The following LRBA variants were observed in gnomAD, a reference collection of about 807,000 sequenced individuals.
The protein encoded by LRBA is LPS responsive beige-like anchor protein.
In LRBA, 176 loss-of-function variants were observed where a neutral mutation model predicts 330.0. That is an observed-to-expected ratio of 0.53 (90% confidence interval 0.47 to 0.60). The LOEUF is 0.60. Ranked by LOEUF, LRBA falls within the 20% of genes least tolerant of loss-of-function variation. The pLI is 0.00. For synonymous variants in LRBA, 1,230 were observed against 1,193.0 expected, an observed-to-expected ratio of 1.03 and a Z score of -0.64; for missense variants, 3,259 against 3,444.8, an observed-to-expected ratio of 0.95 and a Z score of 1.35.
At chr4:150,378,825 T>C (rs1299652822) in intron 47 of LRBA, among the ~76,000 whole-genome samples, 7 of 152,322 alleles carry the variant, frequency 4.6e-5, no homozygotes, top group Middle Eastern at 3.4e-3. Context: ...ATGACTAGTA[T>C]GTACCTTAGC....
At position 150,606,312 on chromosome 4, in the gene LRBA, A is replaced by C. The variant is rs923828960; in HGVS notation, c.5922-7181T>G. On this transcript the variant is annotated intron_variant, in intron 37 of 56. Transcript: ENST00000651943. ...TAACAAAAGACATCTAGGAAAAAAA[A>C]CCATTAAAATGATGTTATTAAGAAC... Among the ~76,000 whole-genome samples, 5 of 152,234 alleles carry C rather than the reference A, an allele frequency of 3.3e-5. No homozygotes were observed. In the South Asian group the frequency reaches 1.0e-3, roughly 32 times the overall value.
intron 48 of LRBA, among the ~76,000 whole-genome samples, chr4:150,339,671 A>G (rs1351018209): frequency 6.6e-6 from 1 of 152,076 alleles, no homozygotes; most frequent in Non-Finnish European, 1.5e-5. Flanking sequence ...TTTGTATTTT[A>G]TATGTTCCAT....
intron 2 of LRBA, among the ~76,000 whole-genome samples, chr4:150,960,836 C>A (rs1256358601): frequency 6.7e-6 from 1 of 149,420 alleles, no homozygotes; most frequent in Non-Finnish European, 1.5e-5. Context: ...GCAATTCCAT[C>A]ATAAAATTAG....
At chr4:150,916,163 A>G (rs1336716736) in intron 7 of LRBA, among the ~76,000 whole-genome samples, 1 of 152,220 alleles carries the variant, frequency 6.6e-6, no homozygotes, top group Non-Finnish European at 1.5e-5. Context: ...ATACTAAAAT[A>G]AATGCCGTAG....
rs574929970 is a variant in LRBA, at chr4:150,825,707, C to T, written c.5171+2473G>A. Among the ~76,000 whole-genome samples the T allele has an allele frequency of 3.3e-5, 5 of 152,194 alleles. No homozygotes were observed. In the South Asian group the frequency reaches 1.0e-3, roughly 32 times the overall value. Reference sequence around the variant, plus strand: ...TCTCTCCCAGTTCTCATATATTTTTCATCATGTTTACTGCAATATTATAAA... The same window carrying T: ...TCTCTCCCAGTTCTCATATATTTTTTATCATGTTTACTGCAATATTATAAA... On this transcript the variant is annotated intron_variant, in intron 30 of 56. Coordinates refer to ENST00000651943, the MANE Select transcript of LRBA (RefSeq NM_001364905.1).
chr4:150,880,015 C>A (rs971527868), intron 17 of LRBA, among the ~76,000 whole-genome samples: 1 of 152,100 alleles, frequency 6.6e-6, no homozygotes, highest in Non-Finnish European at 1.5e-5. Flanking sequence ...CTACAGTGAC[C>A]AAAACAGCAT....
chr4:150,343,318 T>C (rs1735842780), intron 48 of LRBA, among the ~76,000 whole-genome samples: 1 of 152,210 alleles, frequency 6.6e-6, no homozygotes, highest in Admixed American at 6.5e-5. Flanking sequence ...CACAGCACTT[T>C]GTATCACCTT....
chr4:150,892,854 TAAC>T (rs1342728012), intron 17 of LRBA, among the ~76,000 whole-genome samples, 195 bp downstream of exon 17: 1 of 152,144 alleles, frequency 6.6e-6, no homozygotes, highest in African/African-American at 2.4e-5. Context: ...AATCAAATAG[TAAC>T]AAATAGTAAC....
intron 35 of LRBA, 90 bp from the exon 36 acceptor site, chr4:150,735,456 C>T (rs919956137): frequency 3.6e-6 from 3 of 834,048 alleles, no homozygotes; most frequent in Non-Finnish European, 6.0e-6. Flanking sequence ...GGAAGGAATA[C>T]TTACTTTCTT....
chr4:150,608,772 C>T (rs1581802733), intron 37 of LRBA, among the ~76,000 whole-genome samples: 1 of 152,194 alleles, frequency 6.6e-6, no homozygotes, highest in Admixed American at 6.5e-5. Flanking sequence ...CCCTTCCTCC[C>T]AGCCCCTGGC....
At chr4:150,500,923 T>G (rs1760180065) in intron 40 of LRBA, among the ~76,000 whole-genome samples, 1 of 152,180 alleles carries the variant, frequency 6.6e-6, no homozygotes, top group East Asian at 1.9e-4. Flanking sequence ...TTTTTTAAAA[T>G]TAGTACCTGC....
chr4:150,777,436 T>C (rs898307166), intron 34 of LRBA, among the ~76,000 whole-genome samples: 5 of 152,162 alleles, frequency 3.3e-5, no homozygotes, highest in South Asian at 4.1e-4. Context: ...ATTTTCCTTA[T>C]TATAAAAATA....
Position 150,963,789 on chromosome 4 carries a change from G to A in LRBA, c.217-34724C>T, listed in dbSNP as rs1006326717. 1.9e-4 allele frequency among the ~76,000 whole-genome samples: 28 copies of A among 146,460 alleles called. 2 individuals are homozygous for A. Among genetic ancestry groups the A allele is most frequent in the African/African-American group, 6.5e-4 (24 of 36,862 alleles). On this transcript the variant is annotated intron_variant, in intron 2 of 56. Transcript: ENST00000651943. ...CGTCTGGGATGTGAGGAGCCCCTCC[G>A]CCCGGCCCCCCAGTCTGGGAAGTGA...
chr4:150,881,370 C>A (rs1287273656), intron 17 of LRBA, among the ~76,000 whole-genome samples: 5 of 152,144 alleles, frequency 3.3e-5, no homozygotes, highest in Non-Finnish European at 7.3e-5. Context: ...TTTGCAGAAA[C>A]ATGGATGCAG....
At chr4:150,795,957 G>A (rs2126662360) in intron 34 of LRBA, among the ~76,000 whole-genome samples, 1 of 152,064 alleles carries the variant, frequency 6.6e-6, no homozygotes, top group African/African-American at 2.4e-5. Context: ...CAACTAATTT[G>A]TAAAGTTCTA....
chr4:150,500,896 G>A (rs551816895), intron 40 of LRBA, among the ~76,000 whole-genome samples: 3 of 152,268 alleles, frequency 2.0e-5, no homozygotes, highest in Admixed American at 2.0e-4. Flanking sequence ...CCTAATCAGA[G>A]GGAAATACTT....
intron 55 of LRBA, among the ~76,000 whole-genome samples, chr4:150,278,832 T>C (rs907085008): frequency 2.0e-5 from 3 of 152,072 alleles, no homozygotes; most frequent in African/African-American, 4.8e-5. Context: ...GGTTTTTTTT[T>C]TTCCCCCCTC....
intron 33 of LRBA, among the ~76,000 whole-genome samples, chr4:150,801,432 G>A (rs1741601431): frequency 6.6e-6 from 1 of 152,124 alleles, no homozygotes; most frequent in Non-Finnish European, 1.5e-5. Flanking sequence ...TAAAAATTTT[G>A]TTAAAGAGGA....
intron 48 of LRBA, among the ~76,000 whole-genome samples, chr4:150,343,756 G>A (rs2127023071): frequency 6.6e-6 from 1 of 152,006 alleles, no homozygotes; most frequent in East Asian, 1.9e-4. Context: ...ATCCCTCTCT[G>A]TTCAACTTTT....
Sources: allele counts gnomAD v4.1 joint callset (sites outside exome capture counted in the v4.1 genomes callset), GRCh38; gene constraint gnomAD v4.1.1; transcripts MANE v1.5; gene names NCBI Gene and HGNC (gene_info 2026-07-23, HGNC 2026-07-21).